ZNF469: variants seen among roughly 807,000 people sequenced by gnomAD.
ZNF469 encodes zinc finger protein 469.
ZNF469 carries 1 observed loss-of-function variant against 1.0 expected under a neutral mutation model. The ratio of observed to expected loss-of-function variants is 1.00; its 90% CI spans 0.35 to 4.73. The LOEUF (loss-of-function observed/expected upper bound fraction) is 4.73. ZNF469 is among the 30% of genes most tolerant of loss of function. ZNF469 has a pLI of 0.16. For missense variants in ZNF469, 6,100 were observed against 5,356.3 expected, an observed-to-expected ratio of 1.14 and a Z score of -4.33; for synonymous variants, 2,703 against 2,363.4, an observed-to-expected ratio of 1.14 and a Z score of -4.17.
In ZNF469 at chr16:88,434,697, A is replaced by G; in HGVS notation, c.7227A>G (p.Thr2409=). The stretch of plus-strand genomic sequence containing the variant: ...CAGGACTGGGCTTGGGAAGAACCAC[A>G]GCCCCAAGCAGCACAGCCAGTGACT... ...PSTGLGLGRT[T]APSSTASDFQ... The change falls in exon 3 of 3, where the codon ACA becomes ACG. Residue 2409 remains threonine, a synonymous_variant. Coordinates refer to ENST00000565624, the MANE Select transcript of ZNF469 (RefSeq NM_001367624.2). 1.3e-6 allele frequency: 2 copies of G among 1,550,370 alleles called. No homozygotes were observed. The highest frequency in any genetic ancestry group is 1.7e-6 in the Non-Finnish European group (2 of 1,146,966).
At chr16:88,174,472 G>GCCTGTCTATCTATCTA in the ZNF469 span, among the ~76,000 whole-genome samples, 119 of 112,568 alleles carry the variant, frequency 1.1e-3, no homozygotes, top group Middle Eastern at 3.9e-3. Context: ...TCGTCTGTCT[G>GCCTGTCTATCTATCTA]TCTGTCTATC....
At chr16:88,149,312 C>T in the ZNF469 span, among the ~76,000 whole-genome samples, 1,960 of 152,298 alleles carry the variant, frequency 0.013, 36 homozygotes, top group African/African-American at 0.044. Flanking sequence ...GATAATTCCC[C>T]TGGTGAGTGC....
chr16:88,199,822 G>A, the ZNF469 span, among the ~76,000 whole-genome samples: 982 of 152,322 alleles, frequency 6.4e-3, 16 homozygotes, highest in South Asian at 0.055. Context: ...AGTCAGGATG[G>A]GGGCTCAGGC....
chr16:88,132,885 G>A, the ZNF469 span, among the ~76,000 whole-genome samples: 1 of 152,204 alleles, frequency 6.6e-6, no homozygotes, highest in Admixed American at 6.5e-5. Flanking sequence ...TGAGGGCCCT[G>A]CACAGAGCAG....
At chr16:88,151,124 T>C in the ZNF469 span, among the ~76,000 whole-genome samples, 34,567 of 152,160 alleles carry the variant, frequency 0.23, 4,559 homozygotes, top group East Asian at 0.52. This position sits in a 1 kb window ranked among gnomAD's most constrained non-coding sequence, Gnocchi z 5.4. Context: ...TGAGCTCCTC[T>C]GCCGGCTCAA....
intron 1 of ZNF469, among the ~76,000 whole-genome samples, chr16:88,394,588 T>A (rs994944602): frequency 3.3e-5 from 5 of 152,028 alleles, no homozygotes; most frequent in Non-Finnish European, 7.4e-5. Flanking sequence ...GGGTGTGAGG[T>A]GGGGCTGACA....
the ZNF469 span, among the ~76,000 whole-genome samples, chr16:88,235,736 C>T: frequency 6.6e-6 from 1 of 152,244 alleles, no homozygotes; most frequent in East Asian, 1.9e-4. Context: ...TAACTCCATA[C>T]AATATTTGAA....
chr16:88,424,492 C>T lies in ZNF469; in HGVS notation c.-191-315C>T, dbSNP rs764958467. Among the ~76,000 whole-genome samples, 17 of 152,120 alleles carry T rather than the reference C, an allele frequency of 1.1e-4. No individual in the cohort carries two copies. The highest frequency in any genetic ancestry group is 1.6e-4 in the Non-Finnish European group (11 of 68,020). On this transcript the variant is annotated intron_variant, in intron 1 of 2. Transcript: ENST00000565624. This position sits in a 1 kb window ranked among gnomAD's most constrained non-coding sequence, Gnocchi z 4.3. ...TGCAACTCGTAATAATCTGGAGCTT[C>T]GGAGCTGCATGTACACACAATCTAT...
At chr16:88,329,790 A>G in the ZNF469 span, among the ~76,000 whole-genome samples, 1 of 152,260 alleles carries the variant, frequency 6.6e-6, no homozygotes, top group African/African-American at 2.4e-5. Flanking sequence ...CAGCAACCCC[A>G]AGGTGAGAAC....
the ZNF469 span, among the ~76,000 whole-genome samples, chr16:88,155,342 C>T: frequency 1.3e-5 from 2 of 152,228 alleles, no homozygotes; most frequent in Non-Finnish European, 2.9e-5. Flanking sequence ...TACAATTCAG[C>T]TTTTTAAAGT....
intron 1 of ZNF469, among the ~76,000 whole-genome samples, chr16:88,394,723 G>C (rs372476112): frequency 6.6e-6 from 1 of 152,218 alleles, no homozygotes; most frequent in Non-Finnish European, 1.5e-5. Context: ...TGTTCAGAGA[G>C]TGAAAGGTGC....
chr16:88,181,623 T>A, the ZNF469 span, among the ~76,000 whole-genome samples: 1 of 151,918 alleles, frequency 6.6e-6, no homozygotes, highest in Non-Finnish European at 1.5e-5. Flanking sequence ...AAAAAGAAAA[T>A]ACATATGACA....
the ZNF469 span, among the ~76,000 whole-genome samples, chr16:88,252,941 T>G: frequency 2.0e-5 from 3 of 152,250 alleles, no homozygotes; most frequent in Admixed American, 6.5e-5. Flanking sequence ...TGAACTTCCT[T>G]TAAGCAGAAT....
the ZNF469 span, among the ~76,000 whole-genome samples, chr16:88,303,371 C>T: frequency 1.6e-4 from 25 of 152,238 alleles, no homozygotes; most frequent in African/African-American, 5.8e-4. Context: ...TCTGCACCCT[C>T]GCCAGCGCTG....
rs767431034 is a variant in ZNF469 at position 88,430,122 on chromosome 16, C to T, written c.2652C>T (p.Pro884=). Residue 884 remains proline (P), a synonymous_variant, in exon 3 of 3, where the codon CCC becomes CCT. Transcript: ENST00000565624. ...SGPRGPSSGH[P]LKSKAGVTPE... ...CCAGAGGTCCCAGCTCCGGACACCCCCTTAAGAGCAAGGCGGGGGTGACTC... is the reference window on the plus strand; with the variant it reads ...CCAGAGGTCCCAGCTCCGGACACCCTCTTAAGAGCAAGGCGGGGGTGACTC... 11 of 1,550,264 alleles carry T rather than the reference C, an allele frequency of 7.1e-6. No homozygotes were observed. The South Asian group carries it at 7.1e-5, about 10-fold the overall frequency.
the ZNF469 span, among the ~76,000 whole-genome samples, chr16:88,338,378 C>A: frequency 6.6e-6 from 1 of 152,230 alleles, no homozygotes. Context: ...TGCAGGCCAC[C>A]CCCGGCTCCT....
chr16:88,351,786 C>A, the ZNF469 span, among the ~76,000 whole-genome samples: 1 of 152,228 alleles, frequency 6.6e-6, no homozygotes, highest in Non-Finnish European at 1.5e-5. Context: ...GAGGCCGGGC[C>A]ACGCTTTGCC....
chr16:88,395,427 A>T (rs1451778268), intron 1 of ZNF469, among the ~76,000 whole-genome samples: 2 of 152,248 alleles, frequency 1.3e-5, no homozygotes, highest in East Asian at 3.9e-4. Flanking sequence ...ATATATACAG[A>T]TATTGTGTGT....
chr16:88,421,041 G>A (rs182298549), intron 1 of ZNF469, among the ~76,000 whole-genome samples: 2 of 152,340 alleles, frequency 1.3e-5, no homozygotes, highest in African/African-American at 2.4e-5. Flanking sequence ...TGGGACCAGG[G>A]GCAGATTGGG....
Sources: allele counts gnomAD v4.1 joint callset (sites outside exome capture counted in the v4.1 genomes callset), GRCh38; gene constraint gnomAD v4.1.1; non-coding constraint Gnocchi (gnomAD v3.1); transcripts MANE v1.5; gene names NCBI Gene and HGNC (gene_info 2026-07-23, HGNC 2026-07-21).